The following TEDC1 variants were observed in gnomAD, a reference collection of about 807,000 sequenced individuals.
TEDC1 encodes the protein tubulin epsilon and delta complex 1, also known as tubulin epsilon and delta complex protein 1.
TEDC1 carries 54 observed loss-of-function variants against 59.9 expected under a neutral mutation model. The ratio of observed to expected loss-of-function variants is 0.90; its 90% CI spans 0.72 to 1.13. The LOEUF (loss-of-function observed/expected upper bound fraction) is 1.13, where lower values mean the gene tolerates loss of function less well. TEDC1 is among the 50% of genes most tolerant of loss of function. The pLI is 0.00. For synonymous variants in TEDC1, 353 were observed against 298.1 expected (o/e 1.18, Z -1.90); for missense variants, 734 against 683.4 (o/e 1.07, Z -0.83).
At position 105,496,013 on chromosome 14, in the gene TEDC1, T is replaced by C; in HGVS notation, c.818T>C (p.Leu273Pro). The part of the protein sequence containing the change: ...LWLVCEQPGL[L>P]PGDWAAPLDP... ...CTGGTATGTGAGCAGCCAGGTCTGC[T>C]GCCGGGTGACTGGGCAGCACCCTTG... The change falls in exon 6 of 9, where the codon CTG becomes CCG. Residue 273 changes from leucine to proline, a missense_variant. Coordinates refer to ENST00000392523, the MANE Select transcript of TEDC1 (RefSeq NM_001367178.1). 3.2e-6 allele frequency: 5 copies of C among 1,550,264 alleles called. No homozygotes were observed. Among genetic ancestry groups the C allele is most frequent in the Non-Finnish European group, 4.4e-6 (5 of 1,146,930 alleles).
At chr14:105,490,161 G>C (rs587748162), upstream of TEDC1, 1 of 126,842 alleles carries the variant, frequency 7.9e-6, no homozygotes, top group Non-Finnish European at 1.5e-5. Context: ...GGGGCTTGCT[G>C]GGGGGGGGGC....
rs1555440742 is a variant in TEDC1, at chr14:105,497,815, C to G, written c.996C>G (p.Thr332=). 5 of 1,570,022 alleles carry G rather than the reference C, an allele frequency of 3.2e-6. No individual in the cohort carries two copies. Among genetic ancestry groups the G allele is most frequent in the Non-Finnish European group, 4.3e-6 (5 of 1,157,758 alleles). ...CTCTGTAGGACACGGTCCTGGGCAC[C>G]TGTGCCCCGGAGGTGCCTGCTGCAG... The part of the protein sequence containing the change: ...FWRWMDTVLG[T]CAPEVPAAAS... Residue 332 remains threonine (T), a synonymous_variant, in exon 8 of 9, where the codon ACC becomes ACG. Coordinates refer to ENST00000392523, the MANE Select transcript of TEDC1 (RefSeq NM_001367178.1).
At position 105,498,935 on chromosome 14, in the gene TEDC1, C is replaced by A. The variant is rs1555441162; in HGVS notation, c.1477C>A (p.Pro493Thr). ...CCCTGGTCTCATCTGGATCCCGCCA[C>A]CTGGACGCTGAGGGCCTGTCGACGG... ...ARPGLIWIPP[P>T]GR Residue 493 changes from proline to threonine, a missense_variant, in exon 9 of 9, where the codon CCT becomes ACT. Pro to Thr is a conservative substitution (Grantham distance 38). Coordinates refer to ENST00000392523, the MANE Select transcript of TEDC1 (RefSeq NM_001367178.1). 1 of 1,603,752 alleles carries A rather than the reference C, an allele frequency of 6.2e-7. No homozygotes were observed. Among genetic ancestry groups the A allele is most frequent in the East Asian group, 2.2e-5 (1 of 44,582 alleles).
At position 105,497,796 on chromosome 14, in the gene TEDC1, A is replaced by G. The variant is rs1555440738; in HGVS notation, c.979-2A>G. 3 of 1,550,534 alleles carry G rather than the reference A, an allele frequency of 1.9e-6. No homozygotes were observed. In the South Asian group the frequency reaches 3.6e-5, roughly 19 times the overall value. On this transcript the variant is annotated splice_acceptor_variant, in intron 7 of 8. Transcript: ENST00000392523. LOFTEE classifies it high-confidence loss of function. ...CACGCTGTCTCACTTGGGTCTCTGT[A>G]GGACACGGTCCTGGGCACCTGTGCC...
rs1034473777 is a variant in TEDC1, at chr14:105,492,415, C to T, written c.429+106C>T. 4.6e-6 allele frequency: 7 copies of T among 1,521,180 alleles called. No individual in the cohort carries two copies. The Admixed American group carries it at 8.9e-5, about 19-fold the overall frequency. The allele number at this position is 1,521,180 out of a possible 1,614,324, so 94.2% of individuals were successfully genotyped here. On this transcript the variant is annotated intron_variant, in intron 3 of 8. Coordinates refer to ENST00000392523, the MANE Select transcript of TEDC1 (RefSeq NM_001367178.1). The stretch of plus-strand genomic sequence containing the variant: ...CCTCTGTCTGCTTTGCTCCTCAGGG[C>T]AGTCCCATGAAGGGTTACCCAGCTG...
intron 5 of TEDC1, 102 bp from the exon 6 acceptor site, chr14:105,495,776 CTG>C (rs2084330547): frequency 1.0e-6 from 1 of 973,866 alleles, no homozygotes; most frequent in Non-Finnish European, 1.5e-6. Context: ...GGACCACCCT[CTG>C]TGGTGGGCTG....
In TEDC1 at chr14:105,492,656, G is replaced by C; in HGVS notation, c.507G>C (p.Gln169His). 1.3e-6 allele frequency: 2 copies of C among 1,544,978 alleles called. No individual in the cohort carries two copies. Among genetic ancestry groups the C allele is most frequent in the Non-Finnish European group, 1.7e-6 (2 of 1,146,906 alleles). ...GTCCTGTGGATGTCCGCCATGTGCA[G>C]TGGCTGATGGGAAAGCTGCGGTTCC... Reference protein sequence around the residue: ...AEGPVDVRHVQWLMGKLRFRW... With the variant: ...AEGPVDVRHVHWLMGKLRFRW... The change falls in exon 4 of 9, where the codon CAG becomes CAC. Residue 169 changes from glutamine (Q) to histidine (H), a missense_variant. Transcript: ENST00000392523.
chr14:105,494,522 C>T (rs782256223), intron 5 of TEDC1: 1 of 154,500 alleles, frequency 6.5e-6, no homozygotes. Context: ...ACGGCGCTTT[C>T]TAGGCAGGCC....
chr14:105,495,848 T>G (rs2084332942), intron 5 of TEDC1, 32 bp from the exon 6 acceptor site: 1 of 1,504,148 alleles, frequency 6.6e-7, no homozygotes, highest in Admixed American at 2.0e-5. Context: ...ACTGGCCAGG[T>G]GGACTGGGGC....
Position 105,492,116 on chromosome 14 carries a change from C to T in TEDC1, c.236C>T (p.Ala79Val), listed in dbSNP as rs587618908. The change falls in exon 3 of 9, where the codon GCC (alanine) becomes GTC (valine). Residue 79 changes from alanine to valine, a missense_variant. Transcript: ENST00000392523. Reference sequence around the variant, plus strand: ...TGGTCTTCTGTCCTAGAGGTCCAAGCCCGCTTGGTGAAGTCAGCACTATGC... The same window carrying T: ...TGGTCTTCTGTCCTAGAGGTCCAAGTCCGCTTGGTGAAGTCAGCACTATGC... ...ALASLALEVQ[A>V]RLVKSALCSQ... 2 of 1,605,780 alleles carry T rather than the reference C, an allele frequency of 1.2e-6. No individual in the cohort carries two copies. Among genetic ancestry groups the T allele is most frequent in the Admixed American group, 3.4e-5 (2 of 58,748 alleles).
chr14:105,491,338 C>G lies in TEDC1; in HGVS notation c.-38C>G. The G allele has an allele frequency of 2.7e-6, 4 of 1,461,252 alleles. No homozygotes were observed. The highest frequency in any genetic ancestry group is 3.6e-6 in the Non-Finnish European group (4 of 1,111,224). The allele number at this position is 1,461,252 out of a possible 1,614,324, so 90.5% of individuals were successfully genotyped here. A position where few individuals can be genotyped will look rare whatever the true frequency, so the allele number is the denominator to read the frequency against. On this transcript the variant is annotated 5_prime_UTR_variant, in exon 1 of 9. Transcript: ENST00000392523. Reference sequence around the variant, plus strand: ...ATTGGACGCAGGCCCCGGGCCGCGGCGGAGGCGGGCGATCCGAAAGAGGCT... The same window carrying G: ...ATTGGACGCAGGCCCCGGGCCGCGGGGGAGGCGGGCGATCCGAAAGAGGCT...
intron 6 of TEDC1, 98 bp from the exon 7 acceptor site, chr14:105,497,259 G>T: frequency 8.2e-7 from 1 of 1,219,598 alleles, no homozygotes; most frequent in Non-Finnish European, 1.2e-6. Flanking sequence ...TGAGCTAGGC[G>T]TTGGGCCGGG....
upstream of TEDC1, chr14:105,490,364 G>GT (rs2084180304): frequency 6.6e-6 from 1 of 152,458 alleles, no homozygotes; most frequent in Admixed American, 6.5e-5. Flanking sequence ...GGCATCGCGG[G>GT]AACAGCCCCG....
Position 105,499,028 on chromosome 14 carries a change from G to C in TEDC1, c.*82G>C. 7.1e-7 allele frequency: 1 copy of C among 1,406,660 alleles called. No homozygotes were observed. The highest frequency in any genetic ancestry group is 9.5e-7 in the Non-Finnish European group (1 of 1,052,510). The allele number at this position is 1,406,660 out of a possible 1,614,324, so 87.1% of individuals were successfully genotyped here. ...CTTGGAGGAGCAGATTCCAAGGCCA[G>C]GTGGCCGCAGGGACGATGCAGATGC... is the stretch of plus-strand genomic sequence containing the variant. On this transcript the variant is annotated 3_prime_UTR_variant, in exon 9 of 9. Coordinates refer to ENST00000392523, the MANE Select transcript of TEDC1 (RefSeq NM_001367178.1).
intron 7 of TEDC1, 26 bp from the exon 8 acceptor site, chr14:105,497,772 A>C (rs1480677294): frequency 6.6e-7 from 1 of 1,511,614 alleles, no homozygotes; most frequent in East Asian, 2.4e-5. Flanking sequence ...GGCTTGGTGC[A>C]CGCTGTCTCA....
chr14:105,491,605 C>G lies in TEDC1; in HGVS notation c.148-17C>G, dbSNP rs1567071913. 1 of 1,549,432 alleles carries G rather than the reference C, an allele frequency of 6.5e-7. No homozygotes were observed. On this transcript the variant is annotated splice_polypyrimidine_tract_variant and intron_variant, in intron 1 of 8. Transcript: ENST00000392523. ...TTGGGCCGGCTCCGCTGACCGCCCGCTTTTTATTTTCCGCAGACCTCCGCG... is the reference window on the plus strand; with the variant it reads ...TTGGGCCGGCTCCGCTGACCGCCCGGTTTTTATTTTCCGCAGACCTCCGCG...
chr14:105,497,748 C>A, intron 7 of TEDC1, 50 bp from the exon 8 acceptor site: 1 of 1,476,630 alleles, frequency 6.8e-7, no homozygotes, highest in Non-Finnish European at 9.0e-7. Flanking sequence ...TGCCCTCTGT[C>A]CCTCTGTCCC....
chr14:105,492,940 G>C (rs1291454751), intron 4 of TEDC1, among the ~76,000 whole-genome samples: 1 of 152,158 alleles, frequency 6.6e-6, no homozygotes, highest in Non-Finnish European at 1.5e-5. Flanking sequence ...CCAGTGGGGT[G>C]GGCAATGGTG....
At chr14:105,493,758 C>T (rs1450616748) in intron 4 of TEDC1, 77 bp from the exon 5 acceptor site, 2 of 1,071,260 alleles carry the variant, frequency 1.9e-6, no homozygotes, top group African/African-American at 3.1e-5. Context: ...GGCCGACCTC[C>T]CTGGACTCAT....
Sources: gnomAD v4.1 joint callset for allele counts (sites outside exome capture counted in the v4.1 genomes callset) on GRCh38, gnomAD v4.1.1 for gene constraint, MANE v1.5 for transcripts, NCBI Gene and HGNC (gene_info 2026-07-23, HGNC 2026-07-21) for gene names.